MKLN1: variants seen among roughly 807,000 people sequenced by gnomAD.
MKLN1 encodes the protein muskelin.
A neutral mutation model predicts 99.0 loss-of-function variants in MKLN1; 18 were observed. The ratio of observed to expected loss-of-function variants is 0.18; its 90% CI spans 0.13 to 0.27. The LOEUF (loss-of-function observed/expected upper bound fraction) is 0.27. Ranked by LOEUF, MKLN1 falls within the 10% of genes least tolerant of loss-of-function variation. MKLN1 has a pLI of 1.00. For synonymous variants in MKLN1, 288 were observed against 293.2 expected (o/e 0.98, Z 0.18); for missense variants, 621 against 875.9 (o/e 0.71, Z 3.67).
chr7:131,255,907 T>C (rs905085356), intron 3 of MKLN1, among the ~76,000 whole-genome samples: 6 of 142,928 alleles, frequency 4.2e-5, no homozygotes, highest in African/African-American at 1.6e-4. Flanking sequence ...TATTTATTTA[T>C]TTATTTATTT....
At position 131,134,302 on chromosome 7, in the gene MKLN1, C is replaced by CT. The variant is rs552028837; in HGVS notation, c.-418-8518_-418-8517insT. ...CCCACTCTCATGCCCCATCTTTTCT[C>CT]CTTTCCAGTCTATTGCCAGGGTCCT... On this transcript the variant is annotated intron_variant, in intron 1 of 7. Coordinates refer to the MKLN1 transcript ENST00000416992. Among the ~76,000 whole-genome samples, 43 of 152,266 alleles carry CT rather than the reference C, an allele frequency of 2.8e-4. No homozygotes were observed. In the East Asian group the frequency reaches 6.4e-3, roughly 23 times the overall value.
At chr7:131,408,027 C>G (rs1170858790) in intron 6 of MKLN1, among the ~76,000 whole-genome samples, 2 of 151,942 alleles carry the variant, frequency 1.3e-5, no homozygotes, top group Non-Finnish European at 2.9e-5. Context: ...TTCTCCTAGG[C>G]CTTTTACGTG....
At chr7:131,161,786 G>A (rs1328882891) in intron 2 of MKLN1, among the ~76,000 whole-genome samples, 2 of 151,830 alleles carry the variant, frequency 1.3e-5, no homozygotes, top group Non-Finnish European at 2.9e-5. Context: ...TGATCCGCCC[G>A]CCTCGGCCTC....
At chr7:131,193,673 C>T (rs913303030) in intron 2 of MKLN1, among the ~76,000 whole-genome samples, 8 of 152,122 alleles carry the variant, frequency 5.3e-5, no homozygotes, top group East Asian at 3.9e-4. Context: ...TGAGCCACTG[C>T]GCTCAGCTAA....
At chr7:131,202,661 A>G (rs867827380) in intron 2 of MKLN1, among the ~76,000 whole-genome samples, 8 of 152,166 alleles carry the variant, frequency 5.3e-5, no homozygotes, top group Non-Finnish European at 1.2e-4. Context: ...CTCCACTTCC[A>G]GTTTTGATCA....
intron 2 of MKLN1, among the ~76,000 whole-genome samples, chr7:131,200,865 A>G (rs1796716402): frequency 6.6e-6 from 1 of 152,196 alleles, no homozygotes; most frequent in Non-Finnish European, 1.5e-5. Flanking sequence ...TTCTCTTACT[A>G]TTGATGCTTA....
At chr7:131,132,959 G>A (rs200093589) in intron 1 of MKLN1, among the ~76,000 whole-genome samples, 2 of 116,914 alleles carry the variant, frequency 1.7e-5, no homozygotes, top group South Asian at 2.7e-4. Context: ...AAGAAAGAAA[G>A]AAAGAAAGAA....
At chr7:131,444,091 G>A (rs1473717697) in intron 11 of MKLN1, among the ~76,000 whole-genome samples, 1 of 152,030 alleles carries the variant, frequency 6.6e-6, no homozygotes, top group African/African-American at 2.4e-5. Context: ...TATAGAATTA[G>A]AATTTAAATG....
At chr7:131,163,979 G>A (rs537436016) in intron 2 of MKLN1, among the ~76,000 whole-genome samples, 1 of 152,222 alleles carries the variant, frequency 6.6e-6, no homozygotes, top group Admixed American at 6.5e-5. Flanking sequence ...GGCAGGGGGA[G>A]GATTGGAATA....
intron 17 of MKLN1, among the ~76,000 whole-genome samples, chr7:131,479,775 C>T (rs1178786303): frequency 2.0e-5 from 3 of 151,668 alleles, no homozygotes; most frequent in Non-Finnish European, 2.9e-5. Flanking sequence ...CGCAGTGAGC[C>T]GAGATTGCGC....
At chr7:131,414,226 A>G (rs1033954311) in intron 7 of MKLN1, among the ~76,000 whole-genome samples, 1 of 152,218 alleles carries the variant, frequency 6.6e-6, no homozygotes, top group African/African-American at 2.4e-5. Flanking sequence ...AAATAGTTTG[A>G]TAACTCGACT....
At chr7:131,128,425 A>C (rs1795497361) in intron 1 of MKLN1, among the ~76,000 whole-genome samples, 2 of 152,172 alleles carry the variant, frequency 1.3e-5, no homozygotes, top group Admixed American at 1.3e-4. Flanking sequence ...ATAAAAGAAA[A>C]GCATTGTACT....
chr7:131,190,594 A>G (rs1258326582), intron 2 of MKLN1, among the ~76,000 whole-genome samples: 2 of 152,182 alleles, frequency 1.3e-5, no homozygotes, highest in East Asian at 3.9e-4. Context: ...TTCTTCTTTA[A>G]CAATAATTTA....
chr7:131,443,691 T>G lies in MKLN1; in HGVS notation c.1384T>G (p.Leu462Val). 2 of 1,606,704 alleles carry G rather than the reference T, an allele frequency of 1.2e-6. No homozygotes were observed. Among genetic ancestry groups the G allele is most frequent in the Non-Finnish European group, 1.7e-6 (2 of 1,173,338 alleles). Residue 462 changes from leucine to valine, a missense_variant, in exon 11 of 18, where the codon TTA becomes GTA. Leu to Val is a conservative substitution (Grantham distance 32, BLOSUM62 1). Transcript: ENST00000352689. Reference protein sequence around the residue: ...DIQSRIGHCMLFHSKNRCLYV... With the variant: ...DIQSRIGHCMVFHSKNRCLYV... ...CCAGTCTCGAATAGGACACTGCATG[T>G]TATTCCACTCAGTAAGAACATTCCG...
chr7:131,179,891 C>CATTTATT (rs1796354989), intron 2 of MKLN1, among the ~76,000 whole-genome samples: 1 of 150,518 alleles, frequency 6.6e-6, no homozygotes, highest in Non-Finnish European at 1.5e-5. Context: ...TTATTTCTAA[C>CATTTATT]ATTTATTTTT....
intron 1 of MKLN1, among the ~76,000 whole-genome samples, chr7:131,133,692 T>C (rs1382948848): frequency 6.6e-6 from 1 of 151,628 alleles, no homozygotes; most frequent in East Asian, 1.9e-4. Context: ...CTCACTATGT[T>C]GACCAGGCTA....
chr7:131,269,513 A>C (rs1213622640), intron 3 of MKLN1, among the ~76,000 whole-genome samples: 5 of 152,148 alleles, frequency 3.3e-5, no homozygotes. Flanking sequence ...TAATTTCATC[A>C]CCTTAGGGGT....
chr7:131,320,820 T>C (rs903643583), intron 3 of MKLN1, among the ~76,000 whole-genome samples: 1 of 152,028 alleles, frequency 6.6e-6, no homozygotes. Context: ...CCAACAAACA[T>C]ATGAAAAATA....
intron 3 of MKLN1, among the ~76,000 whole-genome samples, chr7:131,298,943 CGAGGTAG>C (rs1362089824): frequency 6.6e-6 from 1 of 151,930 alleles, no homozygotes; most frequent in African/African-American, 2.4e-5. Flanking sequence ...TTTGGGAGGC[CGAGGTAG>C]GAGGAGCGCT....
Sources: gnomAD v4.1 joint callset for allele counts (sites outside exome capture counted in the v4.1 genomes callset) on GRCh38, gnomAD v4.1.1 for gene constraint, MANE v1.5 for transcripts, NCBI Gene and HGNC (gene_info 2026-07-23, HGNC 2026-07-21) for gene names.